Variants in PCDHGB5 observed in about 807,000 individuals in gnomAD.
PCDHGB5 encodes the protein protocadherin gamma subfamily B, 5, also known as protocadherin gamma-B5.
PCDHGB5 carries 48 observed loss-of-function variants against 62.9 expected under a neutral mutation model. The ratio of observed to expected loss-of-function variants is 0.76; its 90% CI spans 0.61 to 0.97. The LOEUF (loss-of-function observed/expected upper bound fraction) is 0.97. Ranked by LOEUF, PCDHGB5 falls within the 50% of genes least tolerant of loss-of-function variation. The pLI is 0.00. For synonymous variants in PCDHGB5, 474 were observed against 511.2 expected, an observed-to-expected ratio of 0.93 and a Z score of 0.98; for missense variants, 1,118 against 1,198.6, an observed-to-expected ratio of 0.93 and a Z score of 0.99.
chr5:141,505,616 C>A, intron 3 of PCDHGB5, 135 bp downstream of exon 3: 1 of 1,503,160 alleles, frequency 6.7e-7, no homozygotes. Flanking sequence ...CTGAAAGGAC[C>A]CACAATTCCA....
chr5:141,467,907 C>A (rs1166486426), intron 1 of PCDHGB5, among the ~76,000 whole-genome samples: 1 of 152,156 alleles, frequency 6.6e-6, no homozygotes, highest in Non-Finnish European at 1.5e-5. Flanking sequence ...AATCCGCCCA[C>A]CTCAGCCTCC....
chr5:141,482,530 CA>C (rs3074545), intron 1 of PCDHGB5, among the ~76,000 whole-genome samples: 1,133 of 76,538 alleles, frequency 0.015, 6 homozygotes, highest in Admixed American at 0.025. Flanking sequence ...GACAGACATG[CA>C]AAAAAAAAAA....
intron 1 of PCDHGB5, among the ~76,000 whole-genome samples, chr5:141,482,723 A>G (rs1441054551): frequency 2.3e-5 from 3 of 128,892 alleles, no homozygotes; most frequent in Non-Finnish European, 4.9e-5. Context: ...GGGAGGGGCC[A>G]TTGCAAGAAA....
intron 1 of PCDHGB5, chr5:141,442,535 A>C (rs2098331560): frequency 6.6e-6 from 1 of 152,240 alleles, no homozygotes; most frequent in Non-Finnish European, 1.5e-5. Flanking sequence ...CTCCAAGGTG[A>C]AAAATTCTTG....
chr5:141,415,828 G>T, intron 1 of PCDHGB5: 1 of 1,293,336 alleles, frequency 7.7e-7, no homozygotes, highest in East Asian at 2.8e-5. Flanking sequence ...ATAAGGCTTT[G>T]TTATGATTAG....
At chr5:141,439,996 G>C (rs1156373511) in intron 1 of PCDHGB5, 1 of 153,262 alleles carries the variant, frequency 6.5e-6, no homozygotes, top group African/African-American at 2.4e-5. Flanking sequence ...GTTTGGTGGT[G>C]GGAAACCTTG....
In PCDHGB5 at chr5:141,511,035, C is replaced by T. The variant is rs373005862; in HGVS notation, c.2634C>T (p.His878=). Residue 878 remains histidine (H), a synonymous_variant, in exon 4 of 4, where the codon CAC becomes CAT. Transcript: ENST00000617380. ...ACGGACCCCAGTTCACCCTGCAGCA[C>T]GTGCCCGACTACCGCCAGAATGTCT... ...ARYGPQFTLQ[H]VPDYRQNVYI... The T allele has an allele frequency of 1.7e-5, 27 of 1,614,208 alleles. No individual in the cohort carries two copies. The African/African-American group carries it at 2.9e-4, about 18-fold the overall frequency.
intron 1 of PCDHGB5, chr5:141,417,855 G>A: frequency 6.5e-7 from 1 of 1,544,918 alleles, no homozygotes. Context: ...GAACCCGAGC[G>A]AACGATGGGA....
intron 1 of PCDHGB5, chr5:141,440,448 A>G (rs2098178859): frequency 6.6e-6 from 1 of 152,168 alleles, no homozygotes; most frequent in East Asian, 1.9e-4. Context: ...CGCCATCTCA[A>G]AAAAAATGAA....
At chr5:141,428,187 C>G in intron 1 of PCDHGB5, 3 of 1,439,502 alleles carry the variant, frequency 2.1e-6, no homozygotes, top group South Asian at 1.2e-5. Flanking sequence ...GGACAGCCGC[C>G]GCTCTCTGCG....
chr5:141,506,847 T>C lies in PCDHGB5; in HGVS notation c.2545+1366T>C, dbSNP rs146737657. ...GAACTGATAGCCCTGCCCTCCAGCA[T>C]GTCTGGAGGACTGGTGGGTAGAGAA... On this transcript the variant is annotated intron_variant, in intron 3 of 3. Coordinates refer to ENST00000617380, the MANE Select transcript of PCDHGB5 (RefSeq NM_018925.3). 3.7e-3 allele frequency among the ~76,000 whole-genome samples: 564 copies of C among 152,318 alleles called. 5 individuals are homozygous for C. Among genetic ancestry groups the C allele is most frequent in the Admixed American group, 0.011 (164 of 15,302 alleles).
intron 1 of PCDHGB5, among the ~76,000 whole-genome samples, chr5:141,460,801 ATATGTATG>A (rs2098998171): frequency 6.6e-6 from 1 of 152,010 alleles, no homozygotes; most frequent in Non-Finnish European, 1.5e-5. Context: ...CAAAGTATAT[ATATGTATG>A]TATACATATA....
intron 1 of PCDHGB5, among the ~76,000 whole-genome samples, chr5:141,402,587 T>C (rs2094282900): frequency 1.3e-5 from 2 of 152,228 alleles, no homozygotes; most frequent in Non-Finnish European, 2.9e-5. Flanking sequence ...ATCTAAAAAA[T>C]AGATTGCTTT....
At chr5:141,460,926 G>A (rs1180507724) in intron 1 of PCDHGB5, among the ~76,000 whole-genome samples, 4 of 145,540 alleles carry the variant, frequency 2.7e-5, no homozygotes, top group African/African-American at 2.6e-5. Flanking sequence ...ATATATATAT[G>A]TGTGTGTGTA....
intron 1 of PCDHGB5, among the ~76,000 whole-genome samples, chr5:141,430,101 G>C (rs918427744): frequency 6.6e-6 from 1 of 152,036 alleles, no homozygotes; most frequent in African/African-American, 2.4e-5. Context: ...ATTTTTAAGC[G>C]TTACATGTCA....
At chr5:141,507,931 G>A (rs1442781255) in intron 3 of PCDHGB5, 1 of 152,326 alleles carries the variant, frequency 6.6e-6, no homozygotes, top group African/African-American at 2.4e-5. Context: ...CTGCTGAGAG[G>A]GGTTAAGTAA....
rs757924501 is a variant in PCDHGB5, at chr5:141,490,548, A to G, written c.2398-4259A>G. 1.2e-6 allele frequency: 2 copies of G among 1,614,084 alleles called. No individual in the cohort carries two copies. Among genetic ancestry groups the G allele is most frequent in the South Asian group, 2.2e-5 (2 of 91,080 alleles). ...ATGCTGGTTCACCTTCCCTACACAA[A>G]CATCTCACCATCAGGCTCAACATTT... On this transcript the variant is annotated intron_variant, in intron 1 of 3. Transcript: ENST00000617380. This position sits in a 1 kb window ranked among gnomAD's most constrained non-coding sequence, Gnocchi z 5.4.
chr5:141,406,757 A>C (rs1274112027), intron 1 of PCDHGB5, among the ~76,000 whole-genome samples: 3 of 152,230 alleles, frequency 2.0e-5, no homozygotes, highest in Non-Finnish European at 4.4e-5. Context: ...CAAAACAAGG[A>C]ATTAAAAATA....
chr5:141,433,194 A>G (rs1170543558), intron 1 of PCDHGB5: 18 of 1,585,754 alleles, frequency 1.1e-5, no homozygotes, highest in Non-Finnish European at 1.5e-5. Context: ...GTGAGTTTAT[A>G]TCAAATCTTC....
Sources: gnomAD v4.1 joint callset for allele counts (sites outside exome capture counted in the v4.1 genomes callset) on GRCh38, gnomAD v4.1.1 for gene constraint, Gnocchi (gnomAD v3.1) non-coding constraint, MANE v1.5 for transcripts, NCBI Gene and HGNC (gene_info 2026-07-23, HGNC 2026-07-21) for gene names.